The following MICU3 variants were observed in gnomAD, a reference collection of about 807,000 sequenced individuals.
The protein encoded by MICU3 is mitochondrial calcium uptake 3, also known as calcium uptake protein 3, mitochondrial.
Under a neutral mutation model 66.5 loss-of-function variants are expected in MICU3, and 62 were observed. The observed-to-expected ratio is 0.93, with a 90% confidence interval of 0.76 to 1.15. The LOEUF is 1.15. Ranked by LOEUF, MICU3 falls within the 50% of genes most tolerant of loss-of-function variation. The pLI is 0.00. For synonymous variants in MICU3, 308 were observed against 240.7 expected, an observed-to-expected ratio of 1.28 and a Z score of -2.59; for missense variants, 779 against 664.4, an observed-to-expected ratio of 1.17 and a Z score of -1.90.
chr8:17,109,262 C>G (rs1336670075), intron 11 of MICU3, among the ~76,000 whole-genome samples: 2 of 151,800 alleles, frequency 1.3e-5, no homozygotes, highest in Non-Finnish European at 2.9e-5. Flanking sequence ...TTATGTTGAA[C>G]TCTTGTTAAT....
chr8:17,117,948 A>T (rs1223921998), intron 13 of MICU3, among the ~76,000 whole-genome samples: 4 of 152,184 alleles, frequency 2.6e-5, no homozygotes, highest in Non-Finnish European at 5.9e-5. Flanking sequence ...TATATATCCA[A>T]AACCTCAAGA....
intron 1 of MICU3, among the ~76,000 whole-genome samples, chr8:17,028,291 C>T (rs1811397673): frequency 6.6e-6 from 1 of 152,054 alleles, no homozygotes; most frequent in African/African-American, 2.4e-5. Context: ...TAGTAGGTAA[C>T]GATAAAACAC....
the MICU3 span, chr8:17,131,699 G>A: frequency 6.6e-6 from 1 of 152,310 alleles, no homozygotes; most frequent in South Asian, 2.1e-4. Context: ...AGCATGCAGG[G>A]GAGGGTGGAG....
At chr8:17,106,743 T>C (rs1801776390) in intron 11 of MICU3, among the ~76,000 whole-genome samples, 1 of 152,012 alleles carries the variant, frequency 6.6e-6, no homozygotes, top group Admixed American at 6.6e-5. Context: ...GATTTTTTTT[T>C]TCTACATTAC....
intron 1 of MICU3, among the ~76,000 whole-genome samples, chr8:17,052,282 A>G (rs538529520): frequency 6.6e-6 from 1 of 152,010 alleles, no homozygotes; most frequent in Non-Finnish European, 1.5e-5. Context: ...ATACATGCAT[A>G]CAGTATGTAA....
chr8:17,086,904 G>A (rs1284012221), intron 6 of MICU3, 60 bp from the exon 7 acceptor site: 1 of 1,112,380 alleles, frequency 9.0e-7, no homozygotes, highest in African/African-American at 1.5e-5. Flanking sequence ...GTCCAGAATA[G>A]TAGATAGGTG....
chr8:17,047,997 G>T (rs147464510), intron 1 of MICU3, among the ~76,000 whole-genome samples: 1 of 152,276 alleles, frequency 6.6e-6, no homozygotes, highest in Non-Finnish European at 1.5e-5. Context: ...CAACTGATAC[G>T]CAAGATAGTG....
In MICU3 at chr8:17,105,438, G is replaced by A. The variant is rs777672936; in HGVS notation, c.1111G>A (p.Val371Ile). The A allele has an allele frequency of 7.7e-6, 12 of 1,557,158 alleles. No homozygotes were observed. In the African/African-American group the frequency reaches 1.1e-4, roughly 14 times the overall value. ...YRFMDNLQTE[V>I]LEIEFLSYSN... ...ATTCATGGATAATCTCCAAACAGAA[G>A]TTCTAGAAATAGAATTCCTTTCCTA... Residue 371 changes from valine (V) to isoleucine (I), a missense_variant, in exon 11 of 15, where the codon GTT (valine) becomes ATT (isoleucine). Coordinates refer to ENST00000318063, the MANE Select transcript of MICU3 (RefSeq NM_181723.3).
chr8:17,080,823 A>G (rs1474765567), intron 4 of MICU3, among the ~76,000 whole-genome samples: 1 of 152,146 alleles, frequency 6.6e-6, no homozygotes, highest in African/African-American at 2.4e-5. Context: ...ACATCAGATA[A>G]AATGGAGTTT....
At chr8:17,078,786 C>T (rs1820755672) in intron 4 of MICU3, among the ~76,000 whole-genome samples, 1 of 151,920 alleles carries the variant, frequency 6.6e-6, no homozygotes. Context: ...GGAAGAGACA[C>T]CATATCTTTT....
intron 3 of MICU3, among the ~76,000 whole-genome samples, chr8:17,072,936 G>A (rs1216729165): frequency 6.6e-6 from 1 of 152,072 alleles, no homozygotes; most frequent in Admixed American, 6.5e-5. Context: ...ACCCAGGCTG[G>A]AGTGCAGTGA....
intron 4 of MICU3, among the ~76,000 whole-genome samples, chr8:17,078,711 A>G (rs1820745258): frequency 6.6e-6 from 1 of 152,084 alleles, no homozygotes; most frequent in Non-Finnish European, 1.5e-5. Context: ...TATAATTCAT[A>G]TATTTTATTT....
chr8:17,130,468 G>T, the MICU3 span, among the ~76,000 whole-genome samples: 1 of 151,658 alleles, frequency 6.6e-6, no homozygotes, highest in South Asian at 2.1e-4. Flanking sequence ...GCAGTGAGCC[G>T]AGATCGCACC....
At chr8:17,056,841 C>G (rs371711433) in intron 1 of MICU3, among the ~76,000 whole-genome samples, 2 of 152,190 alleles carry the variant, frequency 1.3e-5, no homozygotes, top group African/African-American at 4.8e-5. Context: ...TATGGAACAT[C>G]GTGGATTCAT....
rs373476539 is a variant in MICU3 at position 17,098,593 on chromosome 8, A to G, written c.984+40A>G. The G allele has an allele frequency of 4.8e-5, 59 of 1,226,440 alleles. No homozygotes were observed. The African/African-American group carries it at 8.1e-4, about 17-fold the overall frequency. The allele number at this position is 1,226,440 out of a possible 1,614,324, so 76.0% of individuals were successfully genotyped here. ...CAACAAGGTCCTTGTACTATTTGCC[A>G]TCTTGTTAATCTAGTCGTCATTTCA... On this transcript the variant is annotated intron_variant, in intron 9 of 14. Transcript: ENST00000318063.
intron 13 of MICU3, among the ~76,000 whole-genome samples, chr8:17,117,287 C>G (rs761968395): frequency 1.3e-5 from 2 of 152,110 alleles, no homozygotes; most frequent in Non-Finnish European, 2.9e-5. Flanking sequence ...CACTATTTCT[C>G]ATTTTAGATG....
intron 1 of MICU3, among the ~76,000 whole-genome samples, chr8:17,062,119 T>A (rs113839670): frequency 0.02 from 3,002 of 152,298 alleles, 100 homozygotes; most frequent in African/African-American, 0.067. Context: ...ACCATCCTTT[T>A]ACTACACTTC....
Position 17,104,382 on chromosome 8 carries a change from T to C in MICU3, c.985-9T>C. 7.4e-7 allele frequency: 1 copy of C among 1,345,602 alleles called. No individual in the cohort carries two copies. The allele number at this position is 1,345,602 out of a possible 1,614,324, so 83.4% of individuals were successfully genotyped here. A position where few individuals can be genotyped will look rare whatever the true frequency, so the allele number is the denominator to read the frequency against. Reference sequence around the variant, plus strand: ...GAAGCTAACTTTTAAATTGTGATTTTTTTTTAAGCGTGCTGATGACATCAC... The same window carrying C: ...GAAGCTAACTTTTAAATTGTGATTTCTTTTTAAGCGTGCTGATGACATCAC... On this transcript the variant is annotated splice_polypyrimidine_tract_variant and intron_variant, in intron 9 of 14. Coordinates refer to ENST00000318063, the MANE Select transcript of MICU3 (RefSeq NM_181723.3).
chr8:17,090,671 C>A, intron 8 of MICU3, 87 bp downstream of exon 8: 1 of 982,766 alleles, frequency 1.0e-6, no homozygotes, highest in East Asian at 2.7e-5. Context: ...AAAGCTATAT[C>A]TGCTGTTTAC....
Sources: allele counts gnomAD v4.1 joint callset (sites outside exome capture counted in the v4.1 genomes callset), GRCh38; gene constraint gnomAD v4.1.1; transcripts MANE v1.5; gene names NCBI Gene and HGNC (gene_info 2026-07-23, HGNC 2026-07-21).